KCNIP3: variants seen among roughly 807,000 people sequenced by gnomAD.
KCNIP3 encodes calsenilin.
Under a neutral mutation model 35.0 loss-of-function variants are expected in KCNIP3, and 28 were observed. That is an observed-to-expected ratio of 0.80 (90% CI 0.59 to 1.10). The LOEUF (loss-of-function observed/expected upper bound fraction) is 1.10. Ranked by LOEUF, KCNIP3 falls within the 50% of genes least tolerant of loss-of-function variation. KCNIP3 has a pLI of 0.00. For synonymous variants in KCNIP3, 134 were observed against 133.8 expected, an observed-to-expected ratio of 1.00 and a Z score of -0.01; for missense variants, 295 against 338.4, an observed-to-expected ratio of 0.87 and a Z score of 1.01.
chr2:95,314,510 G>A (rs1481567977), intron 2 of KCNIP3, among the ~76,000 whole-genome samples: 1 of 152,184 alleles, frequency 6.6e-6, no homozygotes, highest in African/African-American at 2.4e-5. Context: ...CTGCCTCATT[G>A]GGGTTGCTAG....
At position 95,333,494 on chromosome 2, in the gene KCNIP3, G is replaced by A. The variant is rs560373353; in HGVS notation, c.181+22974G>A. 1.4e-4 allele frequency among the ~76,000 whole-genome samples: 21 copies of A among 152,272 alleles called. No individual in the cohort carries two copies. In the South Asian group the frequency reaches 4.1e-3, roughly 30 times the overall value. On this transcript the variant is annotated intron_variant, in intron 2 of 8. Coordinates refer to ENST00000295225, the MANE Select transcript of KCNIP3 (RefSeq NM_013434.5). The stretch of plus-strand genomic sequence containing the variant: ...GGTGGCCTCACCAGGGCCCGCCCTC[G>A]GTCAACCTAGCCTCGAAGAAGGGAA...
At chr2:95,365,350 C>G (rs556340263) in intron 2 of KCNIP3, among the ~76,000 whole-genome samples, 1 of 151,940 alleles carries the variant, frequency 6.6e-6, no homozygotes, top group African/African-American at 2.4e-5. Context: ...TTAGTAGAGA[C>G]GGGGTTTCGC....
At position 95,376,784 on chromosome 2, in the gene KCNIP3, A is replaced by G. The variant is rs1223362746; in HGVS notation, c.447+1576A>G. ...ATCCTGCCAGGGACGGAGGCACCAAATCTAGTCTGGAGAACACCGGGCCAT... is the reference window on the plus strand; with the variant it reads ...ATCCTGCCAGGGACGGAGGCACCAAGTCTAGTCTGGAGAACACCGGGCCAT... On this transcript the variant is annotated intron_variant, in intron 5 of 8. Transcript: ENST00000295225. This position sits in a 1 kb window ranked among gnomAD's most constrained non-coding sequence, Gnocchi z 4.2. 6.6e-6 allele frequency among the ~76,000 whole-genome samples: 1 copy of G among 152,168 alleles called. No homozygotes were observed. Among genetic ancestry groups the G allele is most frequent in the East Asian group, 1.9e-4 (1 of 5,176 alleles).
intron 2 of KCNIP3, among the ~76,000 whole-genome samples, chr2:95,356,956 C>T (rs1679669642): frequency 6.6e-6 from 1 of 152,178 alleles, no homozygotes; most frequent in African/African-American, 2.4e-5. Flanking sequence ...CATCCCGTGC[C>T]CTGTAGGGTC....
chr2:95,357,321 A>G (rs948122033), intron 2 of KCNIP3, among the ~76,000 whole-genome samples: 4 of 152,172 alleles, frequency 2.6e-5, no homozygotes, highest in Non-Finnish European at 5.9e-5. Flanking sequence ...TTTAGTAGTG[A>G]CCTGAGCAGC....
chr2:95,321,365 T>G (rs1353914268), intron 2 of KCNIP3, among the ~76,000 whole-genome samples: 1 of 152,204 alleles, frequency 6.6e-6, no homozygotes, highest in African/African-American at 2.4e-5. Flanking sequence ...GCGTCAGCCC[T>G]GTGCTCTGGG....
chr2:95,379,329 T>A (rs763515449), intron 5 of KCNIP3, among the ~76,000 whole-genome samples: 1 of 152,234 alleles, frequency 6.6e-6, no homozygotes, highest in Non-Finnish European at 1.5e-5. Flanking sequence ...TCCTGATGAT[T>A]AGTTTGTCTG....
At chr2:95,339,377 C>T (rs573559637) in intron 2 of KCNIP3, among the ~76,000 whole-genome samples, 2 of 151,870 alleles carry the variant, frequency 1.3e-5, no homozygotes, top group East Asian at 1.9e-4. Context: ...ATCAGGAGAT[C>T]GAGACCAGCC....
intron 2 of KCNIP3, among the ~76,000 whole-genome samples, chr2:95,324,462 G>A (rs926112217): frequency 2.6e-5 from 4 of 151,542 alleles, no homozygotes; most frequent in African/African-American, 7.3e-5. Flanking sequence ...TGCAGTAAGC[G>A]AGATTGCGCC....
Position 95,365,317 on chromosome 2 carries a change from G to A in KCNIP3, c.182-8979G>A, listed in dbSNP as rs1434826293. Among the ~76,000 whole-genome samples, 12 of 151,980 alleles carry A rather than the reference G, an allele frequency of 7.9e-5. 1 individual carries two copies. ...GCTGGGATTACAGGCGTGCACCACT[G>A]TGCCCAGATAATTTTTGTATTTTTA... On this transcript the variant is annotated intron_variant, in intron 2 of 8. Coordinates refer to ENST00000295225, the MANE Select transcript of KCNIP3 (RefSeq NM_013434.5).
intron 2 of KCNIP3, among the ~76,000 whole-genome samples, chr2:95,318,949 A>G (rs1004769266): frequency 2.6e-5 from 4 of 152,140 alleles, no homozygotes; most frequent in African/African-American, 9.7e-5. Flanking sequence ...TGCTGCCCCC[A>G]TGCTGAGAGG....
At chr2:95,309,907 G>C (rs1558758754) in intron 1 of KCNIP3, among the ~76,000 whole-genome samples, 2 of 152,228 alleles carry the variant, frequency 1.3e-5, no homozygotes, top group Admixed American at 6.5e-5. Flanking sequence ...AACTCAGGCA[G>C]AGCAGGGGCC....
At chr2:95,366,111 G>A (rs1679911059) in intron 2 of KCNIP3, among the ~76,000 whole-genome samples, 1 of 152,152 alleles carries the variant, frequency 6.6e-6, no homozygotes, top group Admixed American at 6.5e-5. Context: ...CCTCCTGAGA[G>A]GTAGGACTAC....
intron 2 of KCNIP3, among the ~76,000 whole-genome samples, chr2:95,329,699 G>A (rs2104242921): frequency 6.6e-6 from 1 of 152,364 alleles, no homozygotes; most frequent in South Asian, 2.1e-4. Flanking sequence ...ACGGGGGTCT[G>A]CTGGGCATGG....
rs377088803 is a variant in KCNIP3 at position 95,371,966 on chromosome 2, G to C, written c.182-2330G>C. 9.9e-5 allele frequency among the ~76,000 whole-genome samples: 15 copies of C among 151,846 alleles called. No individual in the cohort carries two copies. The East Asian group carries it at 1.2e-3, about 12-fold the overall frequency. On this transcript the variant is annotated intron_variant, in intron 2 of 8. Coordinates refer to ENST00000295225, the MANE Select transcript of KCNIP3 (RefSeq NM_013434.5). ...ATTACAGGTGCCCGCCACTGCACCC[G>C]GCTCATTTTTGTATTTTTAGTAGAG...
At chr2:95,352,188 G>A (rs768337133) in intron 2 of KCNIP3, among the ~76,000 whole-genome samples, 4 of 152,104 alleles carry the variant, frequency 2.6e-5, no homozygotes, top group Admixed American at 2.0e-4. Context: ...ACTTGAACCC[G>A]GATTGCAGTT....
chr2:95,325,214 G>A (rs557694617), intron 2 of KCNIP3, among the ~76,000 whole-genome samples: 31 of 152,342 alleles, frequency 2.0e-4, no homozygotes, highest in Admixed American at 1.6e-3. Flanking sequence ...GGAAGGGCTT[G>A]GGCTTGGGCC....
At chr2:95,311,954 C>T (rs1678330803) in intron 2 of KCNIP3, 1 of 152,246 alleles carries the variant, frequency 6.6e-6, no homozygotes, top group Non-Finnish European at 1.5e-5. Context: ...GGAAGGACCG[C>T]CTTCAGGGCA....
chr2:95,304,855 G>T (rs1312631276), intron 1 of KCNIP3, among the ~76,000 whole-genome samples: 1 of 152,216 alleles, frequency 6.6e-6, no homozygotes, highest in African/African-American at 2.4e-5. Flanking sequence ...GTTGAGGCCT[G>T]GTCCTGGCCT....
Sources: gnomAD v4.1 joint callset for allele counts (sites outside exome capture counted in the v4.1 genomes callset) on GRCh38, gnomAD v4.1.1 for gene constraint, Gnocchi (gnomAD v3.1) non-coding constraint, MANE v1.5 for transcripts, NCBI Gene and HGNC (gene_info 2026-07-23, HGNC 2026-07-21) for gene names.